AOPEP: variants seen among roughly 807,000 people sequenced by gnomAD.
The protein encoded by AOPEP is aminopeptidase O (putative).
Under a neutral mutation model 98.1 loss-of-function variants are expected in AOPEP, and 77 were observed. The observed-to-expected ratio is 0.78, with a 90% confidence interval of 0.65 to 0.95. The LOEUF (loss-of-function observed/expected upper bound fraction) is 0.95, where lower values mean the gene tolerates loss of function less well. Ranked by LOEUF, AOPEP falls within the 40% of genes least tolerant of loss-of-function variation. The probability of loss-of-function intolerance (pLI) is 0.00; values close to 1 mark genes in which losing one functional copy is unlikely to be tolerated. For missense variants in AOPEP, 1,024 were observed against 1,024.7 expected (o/e 1.00, Z 0.01); for synonymous variants, 346 against 365.3 (o/e 0.95, Z 0.60).
intron 5 of AOPEP, among the ~76,000 whole-genome samples, chr9:94,907,029 A>C (rs370913612): frequency 6.6e-6 from 1 of 152,152 alleles, no homozygotes; most frequent in Non-Finnish European, 1.5e-5. Context: ...TTGCTGTTCC[A>C]GGTCGGAATT....
intron 10 of AOPEP, among the ~76,000 whole-genome samples, chr9:94,977,879 C>G (rs1265005585): frequency 6.6e-6 from 1 of 151,454 alleles, no homozygotes; most frequent in Non-Finnish European, 1.5e-5. Context: ...GAACTCAAAG[C>G]CCTTTTTCTG....
At chr9:94,748,607 TTTTG>T (rs1247618751) in intron 1 of AOPEP, among the ~76,000 whole-genome samples, 1 of 152,116 alleles carries the variant, frequency 6.6e-6, no homozygotes, top group South Asian at 2.1e-4. Context: ...CTAATGTCCT[TTTTG>T]TTTGTTTGTT....
chr9:94,959,381 G>A (rs551391739), intron 9 of AOPEP, among the ~76,000 whole-genome samples: 8 of 151,026 alleles, frequency 5.3e-5, no homozygotes, highest in Non-Finnish European at 1.0e-4. Context: ...ATTTTTTTTT[G>A]CATGTGAATA....
intron 5 of AOPEP, among the ~76,000 whole-genome samples, chr9:94,811,172 G>A (rs1364950475): frequency 1.3e-5 from 2 of 152,234 alleles, no homozygotes; most frequent in Non-Finnish European, 1.5e-5. Context: ...AACTCAGAGC[G>A]GGGGAATGGA....
intron 5 of AOPEP, among the ~76,000 whole-genome samples, chr9:94,850,518 G>A (rs1205229133): frequency 2.6e-5 from 4 of 152,098 alleles, no homozygotes; most frequent in Admixed American, 1.3e-4. Flanking sequence ...TTAGGAACTC[G>A]TATCATTTCC....
chr9:94,913,483 G>A (rs2052374816), intron 5 of AOPEP, among the ~76,000 whole-genome samples: 1 of 152,118 alleles, frequency 6.6e-6, no homozygotes, highest in Admixed American at 6.5e-5. Context: ...GTCTATCCAT[G>A]GAGTCATAAT....
Position 95,060,823 on chromosome 9 carries a change from A to G in AOPEP, c.2232+13A>G. ...TCAGGATGCAGAGGTAACCAGGAAC[A>G]CTCTCGGAGTTTAACCAGCAGGTCC... On this transcript the variant is annotated intron_variant, in intron 14 of 16. Transcript: ENST00000375315. The G allele has an allele frequency of 6.5e-7, 1 of 1,534,182 alleles. No homozygotes were observed. Among genetic ancestry groups the G allele is most frequent in the Non-Finnish European group, 9.0e-7 (1 of 1,107,286 alleles).
At chr9:94,741,150 A>G (rs927036639) in intron 1 of AOPEP, among the ~76,000 whole-genome samples, 2 of 152,280 alleles carry the variant, frequency 1.3e-5, no homozygotes, top group East Asian at 1.9e-4. Context: ...CTGATAGGAT[A>G]AGGTTGAAAA....
intron 7 of AOPEP, among the ~76,000 whole-genome samples, chr9:94,949,583 C>G (rs1187081342): frequency 6.6e-6 from 1 of 152,166 alleles, no homozygotes; most frequent in African/African-American, 2.4e-5. Flanking sequence ...GTGGGGAAGC[C>G]CTTCCTGCTG....
intron 5 of AOPEP, among the ~76,000 whole-genome samples, chr9:94,803,159 T>C (rs1848547297): frequency 6.6e-6 from 1 of 152,202 alleles, no homozygotes; most frequent in South Asian, 2.1e-4. Flanking sequence ...AAGACCTCCA[T>C]ACTGAAACCT....
chr9:94,915,617 AC>A (rs1288824764), intron 5 of AOPEP, among the ~76,000 whole-genome samples: 3 of 151,886 alleles, frequency 2.0e-5, no homozygotes, highest in Non-Finnish European at 2.9e-5. Flanking sequence ...ACTTGCCTCC[AC>A]CCCAATGTCC....
At chr9:94,997,748 C>A (rs923512299) in intron 11 of AOPEP, among the ~76,000 whole-genome samples, 1 of 152,116 alleles carries the variant, frequency 6.6e-6, no homozygotes, top group African/African-American at 2.4e-5. Context: ...GGCTGGAGTG[C>A]GGTGGCACAA....
At chr9:94,741,354 G>A (rs1034072849) in intron 1 of AOPEP, among the ~76,000 whole-genome samples, 3 of 151,676 alleles carry the variant, frequency 2.0e-5, no homozygotes. Flanking sequence ...CTCACTGCAA[G>A]CTCCGCCTCC....
chr9:94,817,496 T>C (rs1277618763), intron 5 of AOPEP, among the ~76,000 whole-genome samples: 1 of 152,224 alleles, frequency 6.6e-6, no homozygotes, highest in Non-Finnish European at 1.5e-5. Flanking sequence ...CTTGTTCCCT[T>C]GGCTGGCTGC....
chr9:95,078,508 A>C (rs2069336064), intron 14 of AOPEP, among the ~76,000 whole-genome samples: 1 of 152,244 alleles, frequency 6.6e-6, no homozygotes, highest in Non-Finnish European at 1.5e-5. Flanking sequence ...AACACTTAGA[A>C]ACCGACAGGT....
intron 1 of AOPEP, among the ~76,000 whole-genome samples, chr9:94,757,904 AT>A (rs1361829276): frequency 6.6e-6 from 1 of 152,242 alleles, no homozygotes; most frequent in Non-Finnish European, 1.5e-5. Flanking sequence ...CAATGGATTT[AT>A]CGAAGGTTAT....
At chr9:94,763,995 T>G (rs974387255) in intron 2 of AOPEP, among the ~76,000 whole-genome samples, 3 of 152,160 alleles carry the variant, frequency 2.0e-5, no homozygotes, top group African/African-American at 4.8e-5. Context: ...GTGTGGACTA[T>G]ACAGTCAGTG....
chr9:95,145,829 T>C, the AOPEP span, among the ~76,000 whole-genome samples: 4 of 152,142 alleles, frequency 2.6e-5, no homozygotes, highest in Non-Finnish European at 4.4e-5. Context: ...AGGGCGGACA[T>C]GCTTTACCAC....
chr9:95,112,402 C>T, the AOPEP span, among the ~76,000 whole-genome samples: 2 of 152,162 alleles, frequency 1.3e-5, no homozygotes, highest in African/African-American at 4.8e-5. Flanking sequence ...CTGCCTGGCC[C>T]ATGGAATTCC....
Sources: allele counts gnomAD v4.1 joint callset (sites outside exome capture counted in the v4.1 genomes callset), GRCh38; gene constraint gnomAD v4.1.1; transcripts MANE v1.5; gene names NCBI Gene and HGNC (gene_info 2026-07-23, HGNC 2026-07-21).